Variants in PHIP observed in about 807,000 individuals in gnomAD.
PHIP encodes PHIP subunit of CUL4-Ring ligase complex, also known as PH-interacting protein.
A neutral mutation model predicts 236.8 loss-of-function variants in PHIP; 54 were observed. The observed-to-expected ratio is 0.23, with a 90% CI of 0.18 to 0.29. The LOEUF is 0.29. PHIP is among the 10% of genes least tolerant of loss of function. PHIP has a pLI of 1.00. For synonymous variants in PHIP, 756 were observed against 718.9 expected, an observed-to-expected ratio of 1.05 and a Z score of -0.83; for missense variants, 1,370 against 2,190.8, an observed-to-expected ratio of 0.63 and a Z score of 7.48.
At position 78,946,883 on chromosome 6, in the gene PHIP, GA is replaced by G. The variant is rs369427137; in HGVS notation, c.4207-10del. The G allele has an allele frequency of 5.8e-3, 7,354 of 1,278,808 alleles. 49 individuals carry two copies. Among genetic ancestry groups the G allele is most frequent in the South Asian group, 0.027 (1,693 of 63,758 alleles). The allele number at this position is 1,278,808 out of a possible 1,614,324, so 79.2% of individuals were successfully genotyped here. ...AAACTCATGCTGTAAATCTGTGAGGGAAAAAAAAAAGTGTTCAACCATTCCT... is the reference window on the plus strand; with the variant it reads ...AAACTCATGCTGTAAATCTGTGAGGGAAAAAAAAAGTGTTCAACCATTCCT... On this transcript the variant is annotated splice_polypyrimidine_tract_variant and intron_variant, in intron 36 of 39. Transcript: ENST00000275034.
At chr6:78,957,425 G>A (rs1490638364) in intron 32 of PHIP, 1 of 151,818 alleles carries the variant, frequency 6.6e-6, no homozygotes, top group Non-Finnish European at 1.5e-5. Context: ...ATTTCTTAGA[G>A]AATAAGGTAG....
Position 78,945,865 on chromosome 6 carries a change from T to C in PHIP, c.4630+136A>G. 3 of 681,810 alleles carry C rather than the reference T, an allele frequency of 4.4e-6. No homozygotes were observed. In the South Asian group the frequency reaches 6.3e-5, roughly 14 times the overall value. 42.2% of individuals were successfully genotyped at this position (681,810 alleles called of 1,614,324 possible). ...TCTTATTAAAAACTTTTTTTTAAAA[T>C]AGGAAATTAATAAAGAAGGCAAAAA... On this transcript the variant is annotated intron_variant, in intron 38 of 39. Transcript: ENST00000275034.
In PHIP at chr6:78,978,730, TA is replaced by T. The variant is rs1344068790; in HGVS notation, c.2770-20del. 1 of 1,580,878 alleles carries T rather than the reference TA, an allele frequency of 6.3e-7. No individual in the cohort carries two copies. Among genetic ancestry groups the T allele is most frequent in the African/African-American group, 1.3e-5 (1 of 74,468 alleles). On this transcript the variant is annotated intron_variant, in intron 23 of 39. Coordinates refer to ENST00000275034, the MANE Select transcript of PHIP (RefSeq NM_017934.7). The stretch of plus-strand genomic sequence containing the variant: ...CCAATCTCTGACAAAATTTAAGTAA[TA>T]ATTGTTAAGTAATAATCAAAAAAGC...
chr6:79,071,761 T>G (rs1474737859), intron 4 of PHIP, among the ~76,000 whole-genome samples: 1 of 152,174 alleles, frequency 6.6e-6, no homozygotes, highest in Non-Finnish European at 1.5e-5. Flanking sequence ...TATTTAGTAT[T>G]ACTTGTTCAG....
rs1773202630 is a variant in PHIP, at chr6:78,934,757, G to A, written c.*5936C>T. ...TCAACCTTTAAAACTTTACAGATGA[G>A]GAAAATGAAGCTCTGAGATACGACT... On this transcript the variant is annotated 3_prime_UTR_variant, in exon 40 of 40. Coordinates refer to ENST00000275034, the MANE Select transcript of PHIP (RefSeq NM_017934.7). Among the ~76,000 whole-genome samples the A allele has an allele frequency of 6.6e-6, 1 of 152,140 alleles. No homozygotes were observed. Among genetic ancestry groups the A allele is most frequent in the African/African-American group, 2.4e-5 (1 of 41,438 alleles).
At chr6:79,069,553 G>C (rs568817453) in intron 4 of PHIP, among the ~76,000 whole-genome samples, 34 of 152,182 alleles carry the variant, frequency 2.2e-4, no homozygotes, top group African/African-American at 7.7e-4. Flanking sequence ...TTGGAAAATA[G>C]GAGAAATAGT....
chr6:78,978,804 TA>T (rs1170400124), intron 23 of PHIP, 93 bp from the exon 24 acceptor site: 1 of 1,031,780 alleles, frequency 9.7e-7, no homozygotes, highest in East Asian at 2.7e-5. Flanking sequence ...GATAATTAAA[TA>T]AAAGGGGAAG....
chr6:78,962,081 A>T (rs919145439), intron 30 of PHIP, among the ~76,000 whole-genome samples: 1 of 152,186 alleles, frequency 6.6e-6, no homozygotes, highest in Non-Finnish European at 1.5e-5. Flanking sequence ...AGACCTAATA[A>T]GTACACATAC....
intron 6 of PHIP, among the ~76,000 whole-genome samples, chr6:79,049,143 G>A (rs886241559): frequency 2.0e-5 from 3 of 151,326 alleles, no homozygotes; most frequent in Non-Finnish European, 4.4e-5. Flanking sequence ...AATCTCTGCA[G>A]CCTCCGCCTC....
chr6:79,004,747 C>T (rs937776840), intron 15 of PHIP, among the ~76,000 whole-genome samples: 1 of 151,978 alleles, frequency 6.6e-6, no homozygotes, highest in Non-Finnish European at 1.5e-5. Context: ...TGATCTAGAA[C>T]AAATTGAGCT....
intron 37 of PHIP, 24 bp downstream of exon 37, chr6:78,946,687 T>C (rs1773837746): frequency 1.3e-6 from 2 of 1,526,282 alleles, no homozygotes; most frequent in Non-Finnish European, 1.7e-6. Context: ...GATCAGCTAG[T>C]GGTATTTAAA....
At chr6:79,069,112 A>G (rs1383675804) in intron 4 of PHIP, among the ~76,000 whole-genome samples, 1 of 150,834 alleles carries the variant, frequency 6.6e-6, no homozygotes, top group African/African-American at 2.4e-5. Context: ...TCTTATTTGT[A>G]CACTACTGTA....
chr6:78,994,740 G>A (rs1318761836), intron 19 of PHIP, among the ~76,000 whole-genome samples: 1 of 152,162 alleles, frequency 6.6e-6, no homozygotes, highest in African/African-American at 2.4e-5. Flanking sequence ...AATTGCCACA[G>A]CCACTACAAG....
rs541888720 is a variant in PHIP at position 79,063,222 on chromosome 6, C to A, written c.190-2404G>T. Among the ~76,000 whole-genome samples the A allele has an allele frequency of 7.6e-4, 115 of 152,212 alleles. 1 individual carries two copies. Among genetic ancestry groups the A allele is most frequent in the African/African-American group, 2.6e-3 (108 of 41,516 alleles). On this transcript the variant is annotated intron_variant, in intron 4 of 39. Coordinates refer to ENST00000275034, the MANE Select transcript of PHIP (RefSeq NM_017934.7). The stretch of plus-strand genomic sequence containing the variant: ...CATGTTTACCTCTGTCTACCCAATA[C>A]CTAATGCAGTACTTATAGTTAAGTG...
intron 15 of PHIP, among the ~76,000 whole-genome samples, chr6:79,007,654 C>CTTTT (rs35415106): frequency 1.7e-5 from 2 of 116,684 alleles, no homozygotes; most frequent in Admixed American, 8.6e-5. Flanking sequence ...ATGTCTTGTT[C>CTTTT]TTTTTTTTTT....
Position 78,945,294 on chromosome 6 carries a change from C to T in PHIP, c.4828+6G>A, listed in dbSNP as rs747531541. 3.8e-5 allele frequency: 60 copies of T among 1,588,034 alleles called. No individual in the cohort carries two copies. The highest frequency in any genetic ancestry group is 3.6e-5 in the Non-Finnish European group (42 of 1,156,406). On this transcript the variant is annotated splice_donor_region_variant and intron_variant, in intron 39 of 39. Transcript: ENST00000275034. ...TGTATCTTGAAAGATACAAGTAATA[C>T]CTTACCTTGCTCAATGACAGCTGAT...
At chr6:78,975,497 C>G (rs1268227287) in intron 24 of PHIP, among the ~76,000 whole-genome samples, 4 of 152,128 alleles carry the variant, frequency 2.6e-5, no homozygotes, top group Non-Finnish European at 5.9e-5. Flanking sequence ...CACTCCTATT[C>G]AACATAGTGA....
At chr6:79,004,599 A>G (rs1582207604) in intron 15 of PHIP, among the ~76,000 whole-genome samples, 1 of 152,248 alleles carries the variant, frequency 6.6e-6, no homozygotes, top group East Asian at 1.9e-4. Flanking sequence ...AGAAACAACT[A>G]AAATAGGGAG....
At position 78,984,660 on chromosome 6, in the gene PHIP, A is replaced by T. The variant is rs545465626; in HGVS notation, c.2537+692T>A. 9.2e-5 allele frequency among the ~76,000 whole-genome samples: 14 copies of T among 152,254 alleles called. No individual in the cohort carries two copies. The East Asian group carries it at 2.5e-3, about 27-fold the overall frequency. ...AAAACTACTAGATATAACCACACAC[A>T]TTTGCACATCATTACCAGAAATCAC... is the stretch of plus-strand genomic sequence containing the variant. On this transcript the variant is annotated intron_variant, in intron 22 of 39. Transcript: ENST00000275034.
Sources: allele counts gnomAD v4.1 joint callset (sites outside exome capture counted in the v4.1 genomes callset), GRCh38; gene constraint gnomAD v4.1.1; transcripts MANE v1.5; gene names NCBI Gene and HGNC (gene_info 2026-07-23, HGNC 2026-07-21).